Variants in SCRIB observed in about 807,000 individuals in gnomAD.
The protein encoded by SCRIB is scribble planar cell polarity protein.
A neutral mutation model predicts 170.0 loss-of-function variants in SCRIB; 72 were observed. The observed-to-expected ratio is 0.42, with a 90% CI of 0.35 to 0.52. The LOEUF is 0.52. Among genes scored for constraint, SCRIB ranks in the 20% least tolerant of loss-of-function variants. The pLI is 0.02. For missense variants in SCRIB, 2,475 were observed against 2,338.5 expected (o/e 1.06, Z -1.20); for synonymous variants, 1,298 against 1,044.3 (o/e 1.24, Z -4.68).
chr8:143,806,778 G>T, intron 17 of SCRIB, 146 bp downstream of exon 17: 1 of 668,854 alleles, frequency 1.5e-6, no homozygotes, highest in Non-Finnish European at 2.5e-6. Context: ...TGGACTTCGG[G>T]ATCCCACAAC....
rs770964969 is a variant in SCRIB at position 143,813,282 on chromosome 8, G to A, written c.567+29C>T. The A allele has an allele frequency of 2.8e-5, 45 of 1,612,560 alleles. 1 individual carries two copies. The highest frequency in any genetic ancestry group is 1.2e-4 in the Admixed American group (7 of 60,000). On this transcript the variant is annotated intron_variant, in intron 6 of 36. Coordinates refer to ENST00000356994, the MANE Select transcript of SCRIB (RefSeq NM_182706.5). ...CCCTTGCTTCCGTGGCCCGCCCTCC[G>A]GTCTCTGCCCTGTCAGGCCTCCACG... is the stretch of plus-strand genomic sequence containing the variant.
chr8:143,815,500 T>C lies in SCRIB; in HGVS notation c.-128A>G, dbSNP rs1816050457. 5 of 991,426 alleles carry C rather than the reference T, an allele frequency of 5.0e-6. No individual in the cohort carries two copies. The South Asian group carries it at 1.4e-4, about 27-fold the overall frequency. 61.4% of individuals were successfully genotyped at this position (991,426 alleles called of 1,614,324 possible). ...AGGCAGGGGGCGGGCCGCCCGAGACTGGACGGGGACGCGGCCGCGGCCGGC... is the reference window on the plus strand; with the variant it reads ...AGGCAGGGGGCGGGCCGCCCGAGACCGGACGGGGACGCGGCCGCGGCCGGC... On this transcript the variant is annotated 5_prime_UTR_variant, in exon 1 of 37. Coordinates refer to ENST00000356994, the MANE Select transcript of SCRIB (RefSeq NM_182706.5).
At position 143,805,171 on chromosome 8, in the gene SCRIB, C is replaced by T; in HGVS notation, c.2611G>A (p.Gly871Arg). The change falls in exon 19 of 37, where the codon GGG (glycine) becomes AGG (arginine). Residue 871 changes from glycine (G) to arginine (R), a missense_variant. Transcript: ENST00000356994. ...HVACLARSER[G>R]LGFSIAGGKG... ...CCACCAGCAATGCTGAAGCCCAGCC[C>T]CCTCTCGCTGCGTGCCAGGCAGGCC... is the stretch of plus-strand genomic sequence containing the variant. 2 of 1,574,838 alleles carry T rather than the reference C, an allele frequency of 1.3e-6. No individual in the cohort carries two copies. Among genetic ancestry groups the T allele is most frequent in the Non-Finnish European group, 1.7e-6 (2 of 1,159,830 alleles).
At chr8:143,799,720 C>T (rs1435028664) in intron 24 of SCRIB, among the ~76,000 whole-genome samples, 2 of 151,886 alleles carry the variant, frequency 1.3e-5, no homozygotes, top group Admixed American at 6.6e-5. Context: ...GAGGGCCAGG[C>T]TTAGATGGAC....
intron 1 of SCRIB, 49 bp from the exon 2 acceptor site, chr8:143,814,167 A>G: frequency 6.9e-7 from 1 of 1,444,214 alleles, no homozygotes; most frequent in Non-Finnish European, 9.5e-7. Context: ...ACTGCAGAGC[A>G]GAGAAGAGCT....
At chr8:143,808,566 G>A (rs1815541840) in intron 15 of SCRIB, 43 bp downstream of exon 15, 6 of 1,493,152 alleles carry the variant, frequency 4.0e-6, no homozygotes, top group Non-Finnish European at 4.5e-6. Context: ...GCCCAGGAGG[G>A]CCAGGGGAAT....
rs577453742 is a variant in SCRIB, at chr8:143,804,835, C to T, written c.2752-10G>A. The T allele has an allele frequency of 2.4e-5, 38 of 1,572,596 alleles. No homozygotes were observed. Among genetic ancestry groups the T allele is most frequent in the African/African-American group, 4.1e-5 (3 of 73,148 alleles). On this transcript the variant is annotated splice_polypyrimidine_tract_variant and intron_variant, in intron 20 of 36. Coordinates refer to ENST00000356994, the MANE Select transcript of SCRIB (RefSeq NM_182706.5). ...CGTCCACTCCATTAATCTGTGAGAG[C>T]GTGCCCGAATCAGGGAGGCCCAAGG...
At chr8:143,807,639 A>G (rs1815488330) in intron 15 of SCRIB, 25 bp from the exon 16 acceptor site, 2 of 1,605,808 alleles carry the variant, frequency 1.2e-6, no homozygotes, top group Non-Finnish European at 8.5e-7. Context: ...CCAGTGAGGC[A>G]TGCAGGTTAG....
At position 143,808,701 on chromosome 8, in the gene SCRIB, CTTCCTCCTCCTCCTG is replaced by C; in HGVS notation, c.2008_2022del (p.Gln670_Glu674del). Reference sequence around the variant, plus strand: ...TCAGCCCTGTTTTCCTCCTCCTCCTCTTCCTCCTCCTCCTGAGGACTACCCTCTTCCTCCTCCTCC... The same window carrying C: ...TCAGCCCTGTTTTCCTCCTCCTCCTCAGGACTACCCTCTTCCTCCTCCTCC... On this transcript the variant is annotated inframe_deletion, in exon 15 of 37. Coordinates refer to ENST00000356994, the MANE Select transcript of SCRIB (RefSeq NM_182706.5). 1 of 1,556,182 alleles carries C rather than the reference CTTCCTCCTCCTCCTG, an allele frequency of 6.4e-7. No homozygotes were observed. The highest frequency in any genetic ancestry group is 8.7e-7 in the Non-Finnish European group (1 of 1,153,090).
At position 143,815,659 on chromosome 8, in the gene SCRIB, A is replaced by G. The variant is rs1396046031; in HGVS notation, c.-287T>C. 3.1e-6 allele frequency: 3 copies of G among 982,936 alleles called. No individual in the cohort carries two copies. Among genetic ancestry groups the G allele is most frequent in the Non-Finnish European group, 3.6e-6 (3 of 828,910 alleles). The allele number at this position is 982,936 out of a possible 1,614,324, so 60.9% of individuals were successfully genotyped here. A position where few individuals can be genotyped will look rare whatever the true frequency, so the allele number is the denominator to read the frequency against. ...CTCCGCATCCCGCTTGGTCCTGCTC[A>G]GCTCGTCCCGCCCGCTCGTCCGCCC... is the stretch of plus-strand genomic sequence containing the variant. On this transcript the variant is annotated 5_prime_UTR_variant, in exon 1 of 37. Transcript: ENST00000356994.
In SCRIB at chr8:143,805,265, C is replaced by T; in HGVS notation, c.2517G>A (p.Arg839=). ...RPEDDYSPRE[R]RGGGLRLPLL... ...GGGGCAGGCGCAGCCCCCCTCCCCG[C>T]CGCTCTCGGGGGCTGTAATCATCCT... The change falls in exon 19 of 37, where the codon CGG becomes CGA. Residue 839 remains arginine, a synonymous_variant. Transcript: ENST00000356994. The T allele has an allele frequency of 6.5e-7, 1 of 1,538,240 alleles. No homozygotes were observed. Among genetic ancestry groups the T allele is most frequent in the Non-Finnish European group, 8.7e-7 (1 of 1,147,132 alleles).
chr8:143,812,197 G>A (rs1053520075), intron 9 of SCRIB, 69 bp downstream of exon 9: 7 of 1,022,804 alleles, frequency 6.8e-6, no homozygotes, highest in South Asian at 6.3e-5. Context: ...GCAGACACAG[G>A]CTGATGCCCT....
rs1816017065 is a variant in SCRIB at position 143,815,178 on chromosome 8, C to A, written c.159+36G>T. ...CGCCGGAGGAATCACGGGCTGGGGG[C>A]GCGCCTTTGGGCGGCAGGTGCGGGC... On this transcript the variant is annotated intron_variant, in intron 1 of 36. Transcript: ENST00000356994. 4 of 1,525,132 alleles carry A rather than the reference C, an allele frequency of 2.6e-6. No individual in the cohort carries two copies. In the Admixed American group the frequency reaches 5.7e-5, roughly 22 times the overall value. 94.5% of individuals were successfully genotyped at this position (1,525,132 alleles called of 1,614,324 possible). A position where few individuals can be genotyped will look rare whatever the true frequency, so the allele number is the denominator to read the frequency against.
intron 27 of SCRIB, chr8:143,794,170 G>A: frequency 1.8e-6 from 1 of 570,066 alleles, no homozygotes; most frequent in Admixed American, 3.0e-5. Context: ...GGGCTGGGCA[G>A]CTGCTGTCTC....
At position 143,813,508 on chromosome 8, in the gene SCRIB, G is replaced by C; in HGVS notation, c.465C>G (p.Thr155=). 5.6e-6 allele frequency: 9 copies of C among 1,613,218 alleles called. No homozygotes were observed. The highest frequency in any genetic ancestry group is 6.8e-6 in the Non-Finnish European group (8 of 1,179,986). ...TGAGCAGGTTCTCCCGGAGCTCCAGGGTCACCAGGTTGGCGAGGCTGAAAG... is the reference window on the plus strand; with the variant it reads ...TGAGCAGGTTCTCCCGGAGCTCCAGCGTCACCAGGTTGGCGAGGCTGAAAG... ...GDVGNLANLV[T]LELRENLLKS... is the part of the protein sequence containing the mutation. The change falls in exon 5 of 37, where the codon ACC becomes ACG. Residue 155 remains threonine (T), a synonymous_variant. Coordinates refer to ENST00000356994, the MANE Select transcript of SCRIB (RefSeq NM_182706.5).
At position 143,796,304 on chromosome 8, in the gene SCRIB, C is replaced by T. The variant is rs1042280652; in HGVS notation, c.3604-774G>A. Among the ~76,000 whole-genome samples, 35 of 152,328 alleles carry T rather than the reference C, an allele frequency of 2.3e-4. 1 individual carries two copies. Among genetic ancestry groups the T allele is most frequent in the African/African-American group, 8.2e-4 (34 of 41,572 alleles). On this transcript the variant is annotated intron_variant, in intron 24 of 36. Coordinates refer to ENST00000356994, the MANE Select transcript of SCRIB (RefSeq NM_182706.5). ...CAGCAGCCAGAAGCAGCGGAGGAGG[C>T]AGCACAGTGGACACAGGCATTGCTC... is the stretch of plus-strand genomic sequence containing the variant.
At position 143,812,342 on chromosome 8, in the gene SCRIB, C is replaced by T. The variant is rs765780690; in HGVS notation, c.830G>A (p.Arg277Gln). ...QLSILKVDQN[R>Q]LCEVTEAIGD... is the part of the protein sequence containing the mutation. ...GATGGCCTCGGTCACCTCGCACAGC[C>T]GATTCTGGTCTACCTTTAGGATGGA... The change falls in exon 9 of 37, where the codon CGG becomes CAG. Residue 277 changes from arginine to glutamine, a missense_variant. Arg to Gln is a conservative substitution (Grantham distance 43, BLOSUM62 1). Transcript: ENST00000356994. 58 of 1,613,746 alleles carry T rather than the reference C, an allele frequency of 3.6e-5. 1 individual carries two copies. Among genetic ancestry groups the T allele is most frequent in the Middle Eastern group, 1.6e-4 (1 of 6,082 alleles).
In SCRIB at chr8:143,813,314, C is replaced by T. The variant is rs764354687; in HGVS notation, c.564G>A (p.Val188=). 1.2e-6 allele frequency: 2 copies of T among 1,613,544 alleles called. No individual in the cohort carries two copies. The highest frequency in any genetic ancestry group is 1.1e-5 in the South Asian group (1 of 91,086). ...QLDLGGNDLE[V]LPDTLGALPN... is the part of the protein sequence containing the mutation. ...GCCCTGTCAGGCCTCCACGCACCAG[C>T]ACTTCCAGATCGTTGCCTCCCAGAT... Residue 188 remains valine, a synonymous_variant, in exon 6 of 37, where the codon GTG becomes GTA. Transcript: ENST00000356994.
rs1554632534 is a variant in SCRIB, at chr8:143,791,258, A to T, written c.4873T>A (p.Ser1625Thr). The T allele has an allele frequency of 1.3e-6, 2 of 1,515,334 alleles. No individual in the cohort carries two copies. Among genetic ancestry groups the T allele is most frequent in the Non-Finnish European group, 8.8e-7 (1 of 1,131,506 alleles). 93.9% of individuals were successfully genotyped at this position (1,515,334 alleles called of 1,614,324 possible). Residue 1625 changes from serine (S) to threonine (T), a missense_variant, in exon 37 of 37, where the codon TCA becomes ACA. By Grantham distance (58) the Ser-to-Thr change is moderately conservative. Around this residue, in one of 3 missense-constraint regions of SCRIB, gnomAD observed 1,966 missense variants for 1,742.9 expected, o/e 1.13. Transcript: ENST00000356994. ...TCTTCAGGGCCCACAGCGCCGGGTG[A>T]GGGCCTGCCCAGAAGCACCAGAGCC... ...EVALVLLGRP[S>T]PGAVGPEDVA...
Sources: gnomAD v4.1 joint callset for allele counts (sites outside exome capture counted in the v4.1 genomes callset) on GRCh38, gnomAD v4.1.1 for gene constraint, gnomAD v4.1.1 regional missense constraint, MANE v1.5 for transcripts, NCBI Gene and HGNC (gene_info 2026-07-23, HGNC 2026-07-21) for gene names.